Variants in MYT1L observed in about 807,000 individuals in gnomAD.
MYT1L encodes myelin transcription factor 1-like protein.
MYT1L carries 12 observed loss-of-function variants against 126.7 expected under a neutral mutation model. That is an observed-to-expected ratio of 0.09 (90% CI 0.06 to 0.15). The LOEUF (loss-of-function observed/expected upper bound fraction) is 0.15, where lower values mean the gene tolerates loss of function less well. Among genes scored for constraint, MYT1L ranks in the 10% least tolerant of loss-of-function variants. The pLI, the probability that MYT1L is intolerant of heterozygous loss-of-function variation, is 1.00. For missense variants in MYT1L, 979 were observed against 1,585.2 expected (o/e 0.62, Z 6.49); for synonymous variants, 541 against 604.2 (o/e 0.90, Z 1.53).
intron 3 of MYT1L, among the ~76,000 whole-genome samples, chr2:2,067,738 C>T (rs1490688800): frequency 1.3e-5 from 2 of 152,032 alleles, no homozygotes. Context: ...CATCAAAAGA[C>T]ATCTTAAGGA....
intron 3 of MYT1L, among the ~76,000 whole-genome samples, chr2:2,119,147 C>T (rs867653234): frequency 1.3e-5 from 2 of 152,294 alleles, no homozygotes; most frequent in Admixed American, 6.5e-5. Flanking sequence ...GACATTTTCA[C>T]GTACATTTTT....
intron 18 of MYT1L, among the ~76,000 whole-genome samples, chr2:1,879,035 G>T (rs1465043458): frequency 6.6e-6 from 1 of 152,150 alleles, no homozygotes; most frequent in African/African-American, 2.4e-5. Flanking sequence ...ACCACCCCTG[G>T]AAGGCCACAG....
At chr2:2,164,439 A>G (rs889193028) in intron 3 of MYT1L, among the ~76,000 whole-genome samples, 1 of 152,322 alleles carries the variant, frequency 6.6e-6, no homozygotes, top group Middle Eastern at 3.4e-3. Context: ...GACTATGAAC[A>G]AAACACGTGG....
intron 21 of MYT1L, among the ~76,000 whole-genome samples, chr2:1,819,395 G>C (rs769610969): frequency 2.6e-5 from 4 of 152,200 alleles, no homozygotes; most frequent in African/African-American, 7.2e-5. Context: ...ATGCTCTTCA[G>C]ACTTGGCCCA....
At chr2:2,240,375 TA>T (rs1404754269) in intron 2 of MYT1L, among the ~76,000 whole-genome samples, 1 of 151,928 alleles carries the variant, frequency 6.6e-6, no homozygotes, top group Non-Finnish European at 1.5e-5. Context: ...CTTTAAAAAG[TA>T]TGGTAACACA....
intron 2 of MYT1L, among the ~76,000 whole-genome samples, chr2:2,216,261 G>T (rs1033629679): frequency 7.9e-5 from 12 of 152,060 alleles, no homozygotes; most frequent in African/African-American, 2.9e-4. Context: ...ATCTTCTGGG[G>T]TGTAACACAA....
intron 3 of MYT1L, among the ~76,000 whole-genome samples, chr2:2,155,654 T>C (rs1309115815): frequency 6.6e-6 from 1 of 152,200 alleles, no homozygotes; most frequent in Non-Finnish European, 1.5e-5. Flanking sequence ...CTTTATTGCA[T>C]GCTAAATGGG....
chr2:2,007,384 A>C (rs1198552733), intron 4 of MYT1L, among the ~76,000 whole-genome samples: 1 of 152,228 alleles, frequency 6.6e-6, no homozygotes, highest in African/African-American at 2.4e-5. Context: ...GATGGGTATC[A>C]ATCAATTTAG....
chr2:2,320,963 A>G (rs564534868), intron 1 of MYT1L, among the ~76,000 whole-genome samples: 2 of 152,330 alleles, frequency 1.3e-5, no homozygotes, highest in African/African-American at 4.8e-5. Flanking sequence ...CCAGGAGACC[A>G]TACATCCGTG....
chr2:2,270,973 C>T (rs34212546), intron 2 of MYT1L, among the ~76,000 whole-genome samples: 34,205 of 152,152 alleles, frequency 0.22, 4,247 homozygotes, highest in East Asian at 0.5. Context: ...AAACTCCTTA[C>T]CCGTGTCAAG....
chr2:1,901,146 C>T (rs1402049778), intron 14 of MYT1L, among the ~76,000 whole-genome samples: 2 of 152,138 alleles, frequency 1.3e-5, no homozygotes, highest in Non-Finnish European at 1.5e-5. Context: ...CTAAAGGCAC[C>T]GTGACCTGGA....
chr2:2,327,525 A>G (rs2149737788), intron 1 of MYT1L, among the ~76,000 whole-genome samples: 1 of 152,320 alleles, frequency 6.6e-6, no homozygotes. Flanking sequence ...GAAAATGCAT[A>G]ACATCATTGC....
At chr2:1,861,947 G>A (rs879008349) in intron 18 of MYT1L, among the ~76,000 whole-genome samples, 1 of 144,490 alleles carries the variant, frequency 6.9e-6, no homozygotes, top group Non-Finnish European at 1.5e-5. Flanking sequence ...TCCTGGATCT[G>A]CCTGCAGCCT....
intron 2 of MYT1L, among the ~76,000 whole-genome samples, chr2:2,208,525 A>G (rs777190755): frequency 6.6e-6 from 1 of 152,182 alleles, no homozygotes; most frequent in African/African-American, 2.4e-5. Flanking sequence ...CCTCCTTTGC[A>G]TATATGTATG....
At chr2:2,300,205 T>C (rs1282929138) in intron 1 of MYT1L, among the ~76,000 whole-genome samples, 1 of 152,226 alleles carries the variant, frequency 6.6e-6, no homozygotes, top group African/African-American at 2.4e-5. Context: ...TTCAAATAAA[T>C]ATATGTTTAT....
At chr2:2,132,203 A>G (rs1174713604) in intron 3 of MYT1L, among the ~76,000 whole-genome samples, 1 of 151,528 alleles carries the variant, frequency 6.6e-6, no homozygotes, top group Non-Finnish European at 1.5e-5. Context: ...CACTGCGCCC[A>G]GCCGAGAGTT....
intron 9 of MYT1L, among the ~76,000 whole-genome samples, chr2:1,932,602 C>T (rs1045420891): frequency 3.3e-5 from 5 of 152,154 alleles, no homozygotes; most frequent in Admixed American, 1.3e-4. Flanking sequence ...CACATAGTGA[C>T]GTGTGTTCCA....
intron 2 of MYT1L, among the ~76,000 whole-genome samples, chr2:2,209,634 AT>A (rs1234041964): frequency 6.6e-6 from 1 of 152,110 alleles, no homozygotes; most frequent in Non-Finnish European, 1.5e-5. Flanking sequence ...ATATTTTTAA[AT>A]TTTTAATTAA....
In MYT1L at chr2:1,979,130, A is replaced by C; in HGVS notation, c.152+35T>G. On this transcript the variant is annotated intron_variant, in intron 8 of 24. Coordinates refer to ENST00000647738, the MANE Select transcript of MYT1L (RefSeq NM_001303052.2). The surrounding 1 kb of genome is among the most constrained non-coding windows in gnomAD (Gnocchi z 4.0). The stretch of plus-strand genomic sequence containing the variant: ...TGGGTCCCCAAATAAGTCACTTTAG[A>C]CAGCACATTGTGGAAAAAAAAATGC... 1 of 1,576,092 alleles carries C rather than the reference A, an allele frequency of 6.3e-7. No individual in the cohort carries two copies. Among genetic ancestry groups the C allele is most frequent in the Non-Finnish European group, 8.7e-7 (1 of 1,154,130 alleles).
Sources: allele counts gnomAD v4.1 joint callset (sites outside exome capture counted in the v4.1 genomes callset), GRCh38; gene constraint gnomAD v4.1.1; non-coding constraint Gnocchi (gnomAD v3.1); transcripts MANE v1.5; gene names NCBI Gene and HGNC (gene_info 2026-07-23, HGNC 2026-07-21).